Variants in CLVS1 observed in about 807,000 individuals in gnomAD.
CLVS1 encodes the protein clavesin 1.
CLVS1 carries 10 observed loss-of-function variants against 33.1 expected under a neutral mutation model. The ratio of observed to expected loss-of-function variants is 0.30; its 90% CI spans 0.19 to 0.51. CLVS1 has a LOEUF of 0.51. Ranked by LOEUF, CLVS1 falls within the 20% of genes least tolerant of loss-of-function variation. The pLI is 0.97. For missense variants in CLVS1, 343 were observed against 433.4 expected (o/e 0.79, Z 1.85); for synonymous variants, 163 against 166.1 (o/e 0.98, Z 0.14).
chr8:61,418,831 A>C (rs181888369), intron 3 of CLVS1, among the ~76,000 whole-genome samples: 1 of 152,330 alleles, frequency 6.6e-6, no homozygotes, highest in East Asian at 1.9e-4. Context: ...AACACGAGTA[A>C]GTCAGTAATG....
At chr8:61,444,311 T>C (rs1372919824) in intron 3 of CLVS1, among the ~76,000 whole-genome samples, 1 of 152,232 alleles carries the variant, frequency 6.6e-6, no homozygotes, top group Non-Finnish European at 1.5e-5. Flanking sequence ...GTTCCTGTTG[T>C]TGGGGAAAAA....
chr8:61,324,955 C>G (rs1811326666), intron 2 of CLVS1, among the ~76,000 whole-genome samples: 1 of 152,164 alleles, frequency 6.6e-6, no homozygotes, highest in Non-Finnish European at 1.5e-5. Context: ...ATAGGCACTT[C>G]TGCTCACAAT....
the CLVS1 span, among the ~76,000 whole-genome samples, chr8:60,982,197 ATAATTT>A: frequency 1.3e-5 from 2 of 152,242 alleles, no homozygotes; most frequent in African/African-American, 2.4e-5. Flanking sequence ...CACAATAAAA[ATAATTT>A]TAATTTAATT....
At chr8:61,434,551 A>C (rs1041787217) in intron 3 of CLVS1, among the ~76,000 whole-genome samples, 1 of 152,188 alleles carries the variant, frequency 6.6e-6, no homozygotes, top group Admixed American at 6.5e-5. Flanking sequence ...AATCAAATAC[A>C]TTTAAGAAAT....
Position 61,136,535 on chromosome 8 carries a change from G to A in CLVS1, c.-152+4675G>A, listed in dbSNP as rs369949617. 3.9e-5 allele frequency among the ~76,000 whole-genome samples: 6 copies of A among 152,312 alleles called. No individual in the cohort carries two copies. In the South Asian group the frequency reaches 1.2e-3, roughly 32 times the overall value. On this transcript the variant is annotated intron_variant, in intron 2 of 2. Transcript: ENST00000522621. ...AGAATAAGATCATGTCCTTTGCAGG[G>A]ACATGGATGGAGCTGGAGGCCATTA... is the stretch of plus-strand genomic sequence containing the variant.
At chr8:61,215,392 A>C (rs761680354) in intron 2 of CLVS1, among the ~76,000 whole-genome samples, 10 of 152,180 alleles carry the variant, frequency 6.6e-5, no homozygotes, top group Non-Finnish European at 2.9e-5. Context: ...AAAATAGCTC[A>C]AGAGGTGAGT....
intron 5 of CLVS1, among the ~76,000 whole-genome samples, chr8:61,489,702 G>A (rs1167546456): frequency 1.3e-5 from 2 of 152,176 alleles, no homozygotes; most frequent in African/African-American, 4.8e-5. Context: ...CACTCCTGTA[G>A]ATATTTCTTA....
intron 2 of CLVS1, among the ~76,000 whole-genome samples, chr8:61,275,144 C>T (rs2931288): frequency 0.27 from 40,281 of 151,994 alleles, 6,505 homozygotes; most frequent in Non-Finnish European, 0.35. Context: ...AACAGGAGAC[C>T]TCTGGGCTTG....
rs533490905 is a variant in CLVS1 at position 61,282,605 on chromosome 8, G to C, written c.-151-17072G>C. Among the ~76,000 whole-genome samples the C allele has an allele frequency of 5.3e-5, 8 of 152,286 alleles. No homozygotes were observed. The South Asian group carries it at 1.7e-3, about 32-fold the overall frequency. ...TATGAGTCAGTTTTCCTGGAAAAAT[G>C]GGAACAATACAAGTACTCCCTCATG... On this transcript the variant is annotated intron_variant, in intron 2 of 2. Coordinates refer to the CLVS1 transcript ENST00000522621.
chr8:61,098,428 T>TATATATATATATATATATATATA (rs1805392781), intron 1 of CLVS1, among the ~76,000 whole-genome samples: 1 of 149,056 alleles, frequency 6.7e-6, no homozygotes, highest in African/African-American at 2.5e-5. Context: ...TATATATATA[T>TATATATATATATATATATATATA]TTGCATACTG....
chr8:61,480,287 C>T (rs1203054260), intron 5 of CLVS1, among the ~76,000 whole-genome samples: 1 of 152,238 alleles, frequency 6.6e-6, no homozygotes, highest in East Asian at 1.9e-4. Flanking sequence ...TAATGGCAGG[C>T]ACCCCTCCCC....
intron 1 of CLVS1, among the ~76,000 whole-genome samples, chr8:61,109,213 C>CT (rs961487545): frequency 4.6e-5 from 7 of 150,908 alleles, no homozygotes; most frequent in African/African-American, 9.7e-5. Context: ...TGTGCACTTC[C>CT]TTTTTTTTTC....
intron 3 of CLVS1, among the ~76,000 whole-genome samples, chr8:61,415,161 T>C (rs940215488): frequency 7.2e-5 from 11 of 152,252 alleles, no homozygotes; most frequent in African/African-American, 2.4e-4. Flanking sequence ...AACACTTCTC[T>C]CTGTTTTTCT....
intron 2 of CLVS1, among the ~76,000 whole-genome samples, chr8:61,157,773 C>T (rs1806679017): frequency 6.6e-6 from 1 of 151,648 alleles, no homozygotes; most frequent in Non-Finnish European, 1.5e-5. Context: ...ATACAAATGG[C>T]AGTAAACACA....
At chr8:61,473,673 GAGA>G (rs1817814034) in intron 5 of CLVS1, among the ~76,000 whole-genome samples, 2 of 152,220 alleles carry the variant, frequency 1.3e-5, no homozygotes, top group South Asian at 4.1e-4. Context: ...TGGAGGTACA[GAGA>G]AGAAGATGAC....
At chr8:61,187,582 A>C (rs925550988) in intron 2 of CLVS1, among the ~76,000 whole-genome samples, 1 of 152,144 alleles carries the variant, frequency 6.6e-6, no homozygotes, top group African/African-American at 2.4e-5. Flanking sequence ...CAAGTTTGAC[A>C]GTTTGCCCAG....
chr8:61,182,184 G>C (rs1203580489), intron 2 of CLVS1, among the ~76,000 whole-genome samples: 1 of 152,140 alleles, frequency 6.6e-6, no homozygotes, highest in Non-Finnish European at 1.5e-5. Context: ...ATTAACTCAA[G>C]ATGGATTAAA....
chr8:61,428,298 CAT>C (rs771274638), intron 3 of CLVS1, among the ~76,000 whole-genome samples: 99 of 152,270 alleles, frequency 6.5e-4, no homozygotes, highest in Non-Finnish European at 1.1e-3. Flanking sequence ...AAAATATTGA[CAT>C]GTGTCAACTG....
chr8:61,012,770 C>A, the CLVS1 span, among the ~76,000 whole-genome samples: 2 of 152,198 alleles, frequency 1.3e-5, no homozygotes, highest in African/African-American at 4.8e-5. Flanking sequence ...CTTCACCCCG[C>A]TCCTTTGTTT....
Sources: allele counts gnomAD v4.1 joint callset (sites outside exome capture counted in the v4.1 genomes callset), GRCh38; gene constraint gnomAD v4.1.1; transcripts MANE v1.5; gene names NCBI Gene and HGNC (gene_info 2026-07-23, HGNC 2026-07-21).